Variants in MSH6 observed in about 807,000 individuals in gnomAD.
MSH6 encodes the protein mutS homolog 6.
MSH6 carries 85 observed loss-of-function variants against 119.1 expected under a neutral mutation model. That is an observed-to-expected ratio of 0.71 (90% CI 0.60 to 0.85). The LOEUF (loss-of-function observed/expected upper bound fraction) is 0.85. Among genes scored for constraint, MSH6 ranks in the 40% least tolerant of loss-of-function variants. The pLI, the probability that MSH6 is intolerant of heterozygous loss-of-function variation, is 0.00. For synonymous variants in MSH6, 830 were observed against 586.9 expected, an observed-to-expected ratio of 1.41 and a Z score of -5.99; for missense variants, 2,163 against 1,655.3, an observed-to-expected ratio of 1.31 and a Z score of -5.32.
rs1553334089 is a variant in MSH6, at chr2:47,806,844, T to TGATTAAGGAATTATAGA, written c.4068_*1dup. ...GAAGCTGTCCATAAATTGCTGACTT[T>TGATTAAGGAATTATAGA]GATTAAGGAATTATAGACTGACTAC... On this transcript the variant is annotated stop_gained and frameshift_variant, in exon 10 of 10. Coordinates refer to ENST00000234420, the MANE Select transcript of MSH6 (RefSeq NM_000179.3). LOFTEE classifies it high-confidence loss of function. 1 of 1,612,088 alleles carries TGATTAAGGAATTATAGA rather than the reference T, an allele frequency of 6.2e-7. No individual in the cohort carries two copies. The highest frequency in any genetic ancestry group is 8.5e-7 in the Non-Finnish European group (1 of 1,178,772).
intron 2 of MSH6, among the ~76,000 whole-genome samples, chr2:47,795,266 C>T (rs766315000): frequency 5.9e-5 from 9 of 151,998 alleles, no homozygotes; most frequent in African/African-American, 7.3e-5. Flanking sequence ...TTTAGTTTCA[C>T]CAGTAGTTTT....
At chr2:47,804,532 G>A (rs1325208929) in intron 5 of MSH6, among the ~76,000 whole-genome samples, 1 of 71,974 alleles carries the variant, frequency 1.4e-5, no homozygotes, top group African/African-American at 9.9e-5. Context: ...ATGTGACAAC[G>A]TGTAAAAAAA....
chr2:47,807,677 A>AATC (rs1670318956), downstream of MSH6: 1 of 229,928 alleles, frequency 4.3e-6, no homozygotes, highest in South Asian at 1.6e-4. Context: ...TAAAAAAAAA[A>AATC]AATCAAAAGG....
downstream of MSH6, chr2:47,808,618 G>T (rs1302130777): frequency 7.9e-6 from 4 of 505,944 alleles, no homozygotes; most frequent in Non-Finnish European, 1.4e-5. Context: ...TGTGTCTTCG[G>T]AGGGAAGAGA....
chr2:47,805,032 GTTT>G lies in MSH6; in HGVS notation c.3556+9_3556+11del. 1 of 1,596,178 alleles carries G rather than the reference GTTT, an allele frequency of 6.3e-7. No individual in the cohort carries two copies. Among genetic ancestry groups the G allele is most frequent in the Non-Finnish European group, 8.6e-7 (1 of 1,163,602 alleles). On this transcript the variant is annotated splice_donor_region_variant and intron_variant, in intron 6 of 9. Coordinates refer to ENST00000234420, the MANE Select transcript of MSH6 (RefSeq NM_000179.3). ...CCTCAGACAGAATAATGTCAGGTGA[GTTT>G]TTTGTTTCCCACTTAAGTTCTCATT...
intron 2 of MSH6, among the ~76,000 whole-genome samples, chr2:47,793,348 G>C (rs1056884474): frequency 1.1e-5 from 1 of 89,958 alleles, no homozygotes; most frequent in African/African-American, 4.1e-5. Flanking sequence ...AAAAAAAAAA[G>C]GCTGGGCACG....
Position 47,783,167 on chromosome 2 carries a change from G to T in MSH6, c.-67G>T, listed in dbSNP as rs913476302. ...CCCAGATTTCCCGCCAGCAGGAGCC[G>T]CGCGGTAGATGCGGTGCTTTTAGGA... On this transcript the variant is annotated 5_prime_UTR_variant, in exon 1 of 10. Transcript: ENST00000234420. The T allele has an allele frequency of 1.2e-5, 19 of 1,593,254 alleles. No homozygotes were observed. Among genetic ancestry groups the T allele is most frequent in the Non-Finnish European group, 1.1e-5 (13 of 1,170,910 alleles).
rs587782109 is a variant in MSH6 at position 47,806,482 on chromosome 2, C to A, written c.3832C>A (p.Pro1278Thr). 63 of 1,613,780 alleles carry A rather than the reference C, an allele frequency of 3.9e-5. No homozygotes were observed. Among genetic ancestry groups the A allele is most frequent in the Admixed American group, 3.5e-4 (21 of 59,972 alleles). Residue 1278 changes from proline to threonine, a missense_variant, in exon 9 of 10, where the codon CCC (proline) becomes ACC (threonine). Coordinates refer to ENST00000234420, the MANE Select transcript of MSH6 (RefSeq NM_000179.3). ...CATGGTAGAAAATGAATGTGAAGAC[C>A]CCAGCCAGGAGACTATTACGTTCCT... Reference protein sequence around the residue: ...ACMVENECEDPSQETITFLYK... With the variant: ...ACMVENECEDTSQETITFLYK...
In MSH6 at chr2:47,805,686, C is replaced by A; in HGVS notation, c.3625C>A (p.Leu1209Met). 1 of 1,611,384 alleles carries A rather than the reference C, an allele frequency of 6.2e-7. No homozygotes were observed. The highest frequency in any genetic ancestry group is 8.5e-7 in the Non-Finnish European group (1 of 1,177,766). The change falls in exon 7 of 10, where the codon CTG (leucine) becomes ATG (methionine). Residue 1209 changes from leucine (L) to methionine (M), a missense_variant. Coordinates refer to ENST00000234420, the MANE Select transcript of MSH6 (RefSeq NM_000179.3). ...SILMHATAHS[L>M]VLVDELGRGT... Reference sequence around the variant, plus strand: ...ACTCATGCATGCAACAGCACATTCTCTGGTGCTTGTGGATGAATTAGGTAA... The same window carrying A: ...ACTCATGCATGCAACAGCACATTCTATGGTGCTTGTGGATGAATTAGGTAA...
rs532368855 is a variant in MSH6, at chr2:47,787,260, A to G, written c.261-3667A>G. ...GCCAAGAGATCATGCCATGCACTCCAGCCTGGGTGGCAGAGTCAGACCCTG... is the reference window on the plus strand; with the variant it reads ...GCCAAGAGATCATGCCATGCACTCCGGCCTGGGTGGCAGAGTCAGACCCTG... On this transcript the variant is annotated intron_variant, in intron 1 of 9. Coordinates refer to ENST00000234420, the MANE Select transcript of MSH6 (RefSeq NM_000179.3). Among the ~76,000 whole-genome samples the G allele has an allele frequency of 2.2e-4, 33 of 152,274 alleles. No individual in the cohort carries two copies. In the South Asian group the frequency reaches 6.6e-3, roughly 31 times the overall value.
downstream of MSH6, chr2:47,808,992 T>C: frequency 1.9e-6 from 1 of 520,052 alleles, no homozygotes; most frequent in Non-Finnish European, 3.4e-6. Flanking sequence ...CCACCACGCC[T>C]ACCCACAGTT....
Position 47,799,008 on chromosome 2 carries a change from C to G in MSH6, c.1025C>G (p.Ala342Gly), listed in dbSNP as rs753617680. The change falls in exon 4 of 10, where the codon GCC becomes GGC. Residue 342 changes from alanine (A) to glycine (G), a missense_variant. Physicochemically the swap from Ala to Gly is moderately conservative, Grantham distance 60. Transcript: ENST00000234420. Reference protein sequence around the residue: ...ETKNTLRAFSAPQNSESQAHV... With the variant: ...ETKNTLRAFSGPQNSESQAHV... ...AAGAATACTTTGAGAGCTTTCTCTG[C>G]CCCTCAAAATTCTGAATCCCAAGCC... 3 of 1,614,218 alleles carry G rather than the reference C, an allele frequency of 1.9e-6. No individual in the cohort carries two copies. The highest frequency in any genetic ancestry group is 8.5e-7 in the Non-Finnish European group (1 of 1,180,042).
At chr2:47,783,578 T>TG (rs1230699113) in intron 1 of MSH6, 85 bp downstream of exon 1, 14 of 1,048,098 alleles carry the variant, frequency 1.3e-5, no homozygotes, top group East Asian at 7.0e-5. Context: ...CACAGGGGGT[T>TG]GGGGGGGTGC....
intron 6 of MSH6, 109 bp downstream of exon 6, chr2:47,805,136 T>A (rs1669895852): frequency 6.2e-6 from 5 of 810,890 alleles, no homozygotes; most frequent in Non-Finnish European, 1.1e-5. Context: ...ATTTTTCTGG[T>A]GTTACTTTAA....
At chr2:47,784,312 A>G in intron 1 of MSH6, 3 of 900,592 alleles carry the variant, frequency 3.3e-6, no homozygotes, top group Non-Finnish European at 4.0e-6. Context: ...TCGAGTGGAA[A>G]ATATTTTATT....
downstream of MSH6, chr2:47,808,650 AG>A: frequency 2.2e-6 from 1 of 445,042 alleles, no homozygotes; most frequent in East Asian, 3.5e-5. Context: ...AATTGTATAA[AG>A]GCAGTTCTTT....
rs752105994 is a variant in MSH6 at position 47,798,599 on chromosome 2, C to G, written c.628-12C>G. 6.2e-7 allele frequency: 1 copy of G among 1,607,614 alleles called. No individual in the cohort carries two copies. Among genetic ancestry groups the G allele is most frequent in the Non-Finnish European group, 8.5e-7 (1 of 1,179,808 alleles). On this transcript the variant is annotated splice_polypyrimidine_tract_variant and intron_variant, in intron 3 of 9. Transcript: ENST00000234420. ...TTGATTTGTTTTTAAATACTCTTTC[C>G]TTGCCTGGCAGGTAGGCACAACTTA...
At chr2:47,802,755 T>TATAA (rs1558386027) in intron 4 of MSH6, among the ~76,000 whole-genome samples, 1 of 152,076 alleles carries the variant, frequency 6.6e-6, no homozygotes, top group Non-Finnish European at 1.5e-5. Context: ...TACTTCCTTT[T>TATAA]AGTGTGCTGC....
intron 3 of MSH6, chr2:47,797,979 T>TACCC (rs1669201160): frequency 4.8e-6 from 1 of 207,972 alleles, no homozygotes; most frequent in African/African-American, 2.3e-5. Flanking sequence ...TTACCCCCCA[T>TACCC]ACCCACTCTG....
Sources: allele counts gnomAD v4.1 joint callset (sites outside exome capture counted in the v4.1 genomes callset), GRCh38; gene constraint gnomAD v4.1.1; transcripts MANE v1.5; gene names NCBI Gene and HGNC (gene_info 2026-07-23, HGNC 2026-07-21).